The following STAP2 variants were observed in gnomAD, a reference collection of about 807,000 sequenced individuals.
STAP2 encodes the protein signal-transducing adaptor protein 2.
A neutral mutation model predicts 52.7 loss-of-function variants in STAP2; 58 were observed. The observed-to-expected ratio is 1.10, with a 90% CI of 0.89 to 1.37. STAP2 has a LOEUF of 1.37. Among genes scored for constraint, STAP2 ranks in the 40% most tolerant of loss-of-function variants. The pLI is 0.00. For synonymous variants in STAP2, 231 were observed against 210.5 expected, an observed-to-expected ratio of 1.10 and a Z score of -0.84; for missense variants, 522 against 519.4, an observed-to-expected ratio of 1.00 and a Z score of -0.05.
chr19:4,328,956 C>CGG, intron 5 of STAP2, 147 bp from the exon 6 acceptor site: 1 of 1,124,778 alleles, frequency 8.9e-7, no homozygotes, highest in South Asian at 1.7e-5. Flanking sequence ...AGGCCCCTCC[C>CGG]ACGGAGACCC....
intron 6 of STAP2, among the ~76,000 whole-genome samples, chr19:4,327,803 C>A (rs1308174866): frequency 1.3e-5 from 2 of 152,146 alleles, no homozygotes; most frequent in Admixed American, 6.5e-5. Flanking sequence ...GGCTCCACCC[C>A]CAGGCACCGA....
intron 5 of STAP2, 55 bp from the exon 6 acceptor site, chr19:4,328,864 G>T (rs1971842329): frequency 1.3e-6 from 2 of 1,579,184 alleles, no homozygotes; most frequent in African/African-American, 1.3e-5. Context: ...CCGCTCTTCT[G>T]CACGTAAACC....
intron 4 of STAP2, among the ~76,000 whole-genome samples, 197 bp from the exon 5 acceptor site, chr19:4,330,258 C>T (rs1343500999): frequency 2.6e-5 from 4 of 152,048 alleles, no homozygotes; most frequent in South Asian, 2.1e-4. Context: ...CGGTGGCTCA[C>T]GCCTGTAATC....
Position 4,325,320 on chromosome 19 carries a change from A to G in STAP2, c.980-12T>C. 3 of 1,614,208 alleles carry G rather than the reference A, an allele frequency of 1.9e-6. No individual in the cohort carries two copies. The highest frequency in any genetic ancestry group is 8.5e-7 in the Non-Finnish European group (1 of 1,180,018). ...ACTAGAGGAAGCCACTGCGTGGACA[A>G]AAGTGTAACGTGTCACATCAGCTGT... On this transcript the variant is annotated splice_polypyrimidine_tract_variant and intron_variant, in intron 10 of 12. Transcript: ENST00000594605.
intron 9 of STAP2, 109 bp downstream of exon 9, chr19:4,326,833 T>G: frequency 7.3e-7 from 1 of 1,364,174 alleles, no homozygotes; most frequent in Non-Finnish European, 1.0e-6. Context: ...CCCTGCAACT[T>G]TGGGAACATC....
chr19:4,334,848 T>C (rs796165012), intron 1 of STAP2, among the ~76,000 whole-genome samples: 502 of 4,866 alleles, frequency 0.1, 12 homozygotes, highest in Middle Eastern at 0.33. Context: ...CATCCATCCA[T>C]CCACTCATCT....
At chr19:4,329,481 C>T (rs1030268151) in intron 5 of STAP2, among the ~76,000 whole-genome samples, 2 of 151,954 alleles carry the variant, frequency 1.3e-5, no homozygotes, top group African/African-American at 2.4e-5. Flanking sequence ...GCACCTAGAG[C>T]CTCCCCTGGA....
At position 4,334,027 on chromosome 19, in the gene STAP2, C is replaced by T. The variant is rs769348653; in HGVS notation, c.120G>A (p.Trp40Ter). Residue 40 changes from tryptophan (W) to a stop codon, truncating the protein, a stop_gained, in exon 2 of 13, where the codon TGG becomes TGA. Coordinates refer to ENST00000594605, the MANE Select transcript of STAP2 (RefSeq NM_001013841.2). LOFTEE classifies it high-confidence loss of function. ...GPCDRDYKKF[W>*]AGLQGLTIYF... ...AAATGGTGAGACCCTGCAGGCCTGC[C>T]CAGAACTTCTTGTAATCCTAGGGAC... 2.5e-5 allele frequency: 41 copies of T among 1,611,104 alleles called. No homozygotes were observed. In the South Asian group the frequency reaches 3.9e-4, roughly 15 times the overall value.
chr19:4,327,903 C>T (rs1447257349), intron 6 of STAP2, among the ~76,000 whole-genome samples: 1 of 150,886 alleles, frequency 6.6e-6, no homozygotes, highest in Non-Finnish European at 1.5e-5. Flanking sequence ...CTGGCTCCGC[C>T]TCCATAGCCC....
chr19:4,324,479 C>T lies in STAP2; in HGVS notation c.1123G>A (p.Ala375Thr), dbSNP rs896032024. Residue 375 changes from alanine (A) to threonine (T), a missense_variant, in exon 12 of 13, where the codon GCC becomes ACC. Transcript: ENST00000594605. ...GLGRKLPVSSAQPLFPTAGLA... is the reference protein window; with the variant it reads ...GLGRKLPVSSTQPLFPTAGLA... ...CCGGCTGTGGGGAAGAGAGGCTGGGCTGAACTGACTGGCAGCTTCCTGCCC... is the reference window on the plus strand; with the variant it reads ...CCGGCTGTGGGGAAGAGAGGCTGGGTTGAACTGACTGGCAGCTTCCTGCCC... 5 of 1,575,514 alleles carry T rather than the reference C, an allele frequency of 3.2e-6. No homozygotes were observed. In the African/African-American group the frequency reaches 4.0e-5, roughly 13 times the overall value.
intron 1 of STAP2, among the ~76,000 whole-genome samples, chr19:4,338,052 A>T (rs1972006849): frequency 6.6e-6 from 1 of 152,100 alleles, no homozygotes; most frequent in Non-Finnish European, 1.5e-5. Context: ...AATATGCGGC[A>T]TTGGGAAGGA....
At chr19:4,327,947 TC>T (rs1971821691) in intron 6 of STAP2, among the ~76,000 whole-genome samples, 1 of 150,532 alleles carries the variant, frequency 6.6e-6, no homozygotes, top group African/African-American at 2.5e-5. Flanking sequence ...CGGCCATGAC[TC>T]CCCCCCGTAG....
At chr19:4,324,278 A>C in intron 12 of STAP2, 81 bp from the exon 13 acceptor site, 1 of 1,458,852 alleles carries the variant, frequency 6.9e-7, no homozygotes, top group African/African-American at 1.4e-5. Context: ...ACCCAGGACC[A>C]GCTACAGATT....
chr19:4,326,065 G>A (rs1971788169), intron 9 of STAP2, among the ~76,000 whole-genome samples: 1 of 152,198 alleles, frequency 6.6e-6, no homozygotes, highest in Non-Finnish European at 1.5e-5. Flanking sequence ...CCTGTGGTGT[G>A]TATACGTGTG....
rs369674311 is a variant in STAP2 at position 4,332,015 on chromosome 19, C to T, written c.354+7G>A. ...GGAGAGAGGGCGCAGAGAGCCACTA[C>T]TCTTACCTCCACCACCGTTAAGATG... is the stretch of plus-strand genomic sequence containing the variant. On this transcript the variant is annotated splice_region_variant and intron_variant, in intron 4 of 12. Transcript: ENST00000594605. 4 of 1,612,524 alleles carry T rather than the reference C, an allele frequency of 2.5e-6. No homozygotes were observed. The highest frequency in any genetic ancestry group is 1.1e-5 in the South Asian group (1 of 90,814).
chr19:4,334,496 C>T (rs1250937963), intron 1 of STAP2, among the ~76,000 whole-genome samples: 2 of 151,838 alleles, frequency 1.3e-5, no homozygotes, highest in Admixed American at 1.3e-4. Context: ...TTCATCCATC[C>T]ATCCATCTGC....
At chr19:4,327,820 C>T (rs1242131353) in intron 6 of STAP2, among the ~76,000 whole-genome samples, 5 of 152,128 alleles carry the variant, frequency 3.3e-5, no homozygotes, top group Non-Finnish European at 5.9e-5. Context: ...CCGACTCTAC[C>T]TTCTACATCG....
rs1165382677 is a variant in STAP2 at position 4,327,149 on chromosome 19, T to C, written c.738A>G (p.Leu246=). The change falls in exon 8 of 13, where the codon TTA becomes TTG. Residue 246 remains leucine, a synonymous_variant. Coordinates refer to ENST00000594605, the MANE Select transcript of STAP2 (RefSeq NM_001013841.2). ...HTKKALVPFL[L]DEDYEKVLGY... is the part of the protein sequence containing the mutation. ...CTAGCACCTTCTCGTAGTCCTCGTC[T>C]AACAGGAATGGCACCAGCGCCTTTT... 6.2e-7 allele frequency: 1 copy of C among 1,614,044 alleles called. No homozygotes were observed. Among genetic ancestry groups the C allele is most frequent in the Admixed American group, 1.7e-5 (1 of 59,998 alleles).
chr19:4,325,301 G>A lies in STAP2; in HGVS notation c.987C>T (p.Ser329=). Residue 329 remains serine (S), a synonymous_variant, in exon 11 of 13, where the codon TCC becomes TCT. Coordinates refer to ENST00000594605, the MANE Select transcript of STAP2 (RefSeq NM_001013841.2). ...AVDYENQDVA[S]SSWPVILKPK... ...GCTTCAGGATGACTGGCCAACTAGA[G>A]GAAGCCACTGCGTGGACAAAAGTGT... 6.2e-7 allele frequency: 1 copy of A among 1,614,208 alleles called. No homozygotes were observed. The highest frequency in any genetic ancestry group is 8.5e-7 in the Non-Finnish European group (1 of 1,180,022).
Sources: allele counts gnomAD v4.1 joint callset (sites outside exome capture counted in the v4.1 genomes callset), GRCh38; gene constraint gnomAD v4.1.1; transcripts MANE v1.5; gene names NCBI Gene and HGNC (gene_info 2026-07-23, HGNC 2026-07-21).